The following NCKAP5 variants were observed in gnomAD, a reference collection of about 807,000 sequenced individuals.
NCKAP5 encodes NCK associated protein 5.
Under a neutral mutation model 167.0 loss-of-function variants are expected in NCKAP5, and 92 were observed. That is an observed-to-expected ratio of 0.55 (90% CI 0.47 to 0.66). The LOEUF is 0.66. NCKAP5 is among the 30% of genes least tolerant of loss of function. The pLI is 0.00. For missense variants in NCKAP5, 2,378 were observed against 2,315.0 expected, an observed-to-expected ratio of 1.03 and a Z score of -0.56; for synonymous variants, 891 against 877.4, an observed-to-expected ratio of 1.02 and a Z score of -0.27.
At chr2:132,728,185 G>C (rs1690647918) in intron 18 of NCKAP5, among the ~76,000 whole-genome samples, 1 of 152,088 alleles carries the variant, frequency 6.6e-6, no homozygotes, top group South Asian at 2.1e-4. Flanking sequence ...AGAGTAACCT[G>C]CTGGAAACGG....
intron 2 of NCKAP5, among the ~76,000 whole-genome samples, chr2:133,543,418 T>A (rs1368225242): frequency 1.3e-5 from 2 of 152,190 alleles, no homozygotes; most frequent in African/African-American, 4.8e-5. Context: ...CAAAATGGAC[T>A]AATACAAGGT....
At chr2:133,242,119 C>CAAAAAAAA (rs1176776551) in intron 4 of NCKAP5, among the ~76,000 whole-genome samples, 19 of 48,114 alleles carry the variant, frequency 3.9e-4, no homozygotes, top group East Asian at 6.5e-4. Context: ...AACTCTGTCT[C>CAAAAAAAA]AAAAAAAAAA....
intron 19 of NCKAP5, among the ~76,000 whole-genome samples, chr2:132,696,790 T>G (rs1392454241): frequency 6.6e-6 from 1 of 152,144 alleles, no homozygotes; most frequent in Non-Finnish European, 1.5e-5. Flanking sequence ...ATGGTAACCA[T>G]CCATAAGTGA....
chr2:133,299,544 C>T (rs1223806600), intron 4 of NCKAP5, among the ~76,000 whole-genome samples: 5 of 152,030 alleles, frequency 3.3e-5, no homozygotes, highest in African/African-American at 4.8e-5. Flanking sequence ...GTCAGGAGTT[C>T]GAGACCAGCC....
intron 6 of NCKAP5, among the ~76,000 whole-genome samples, chr2:133,025,821 T>C (rs1365078940): frequency 6.6e-6 from 1 of 152,196 alleles, no homozygotes; most frequent in Non-Finnish European, 1.5e-5. Flanking sequence ...TAGAACATAT[T>C]ATTTTAAAAA....
intron 11 of NCKAP5, among the ~76,000 whole-genome samples, chr2:132,818,318 A>G (rs1686443618): frequency 6.6e-6 from 1 of 152,214 alleles, no homozygotes; most frequent in African/African-American, 2.4e-5. Flanking sequence ...GTCTCTACAG[A>G]CTTATAATTT....
intron 3 of NCKAP5, among the ~76,000 whole-genome samples, chr2:133,418,913 GA>G (rs1689294485): frequency 6.6e-6 from 1 of 152,114 alleles, no homozygotes; most frequent in Admixed American, 6.6e-5. Context: ...AGGGCATATT[GA>G]GTCACAATGA....
chr2:133,649,791 G>C, the NCKAP5 span, among the ~76,000 whole-genome samples: 3 of 152,100 alleles, frequency 2.0e-5, no homozygotes, highest in East Asian at 3.9e-4. Context: ...ATAGTCACTG[G>C]TAAGCAGGAG....
intron 16 of NCKAP5, among the ~76,000 whole-genome samples, chr2:132,772,245 T>C (rs1682139400): frequency 6.6e-6 from 1 of 152,114 alleles, no homozygotes; most frequent in South Asian, 2.1e-4. Flanking sequence ...TCAGGACATA[T>C]TCCTGTCACC....
intron 5 of NCKAP5, among the ~76,000 whole-genome samples, chr2:133,185,918 G>A (rs996468434): frequency 3.9e-5 from 6 of 152,020 alleles, no homozygotes; most frequent in Non-Finnish European, 8.8e-5. Context: ...GAGATAGTTT[G>A]ACTTCTTCTT....
chr2:133,308,780 C>A (rs1210329454), intron 3 of NCKAP5, among the ~76,000 whole-genome samples: 1 of 135,894 alleles, frequency 7.4e-6, no homozygotes, highest in Middle Eastern at 4.2e-3. Context: ...GCAATCTCGG[C>A]TCACTGCAAG....
At chr2:133,217,968 A>G (rs17800299) in intron 4 of NCKAP5, among the ~76,000 whole-genome samples, 1,787 of 152,236 alleles carry the variant, frequency 0.012, 16 homozygotes, top group Non-Finnish European at 0.018. Context: ...GCTTCAACAG[A>G]GTAAATTCCT....
At chr2:133,596,959 T>C in the NCKAP5 span, among the ~76,000 whole-genome samples, 1 of 152,322 alleles carries the variant, frequency 6.6e-6, no homozygotes, top group African/African-American at 2.4e-5. Context: ...TGCTTTCCTC[T>C]TAGTTGCTGC....
At chr2:133,506,107 A>T (rs1027196531) in intron 3 of NCKAP5, among the ~76,000 whole-genome samples, 2 of 152,208 alleles carry the variant, frequency 1.3e-5, no homozygotes, top group African/African-American at 4.8e-5. Flanking sequence ...TGATCGATCC[A>T]CTAGACCACC....
At chr2:132,865,098 T>C (rs1163170274) in intron 10 of NCKAP5, among the ~76,000 whole-genome samples, 1 of 152,166 alleles carries the variant, frequency 6.6e-6, no homozygotes, top group Non-Finnish European at 1.5e-5. Flanking sequence ...GATACATCCT[T>C]ATCTCTGCCC....
intron 11 of NCKAP5, among the ~76,000 whole-genome samples, chr2:132,829,033 T>C (rs938813722): frequency 6.6e-6 from 1 of 152,162 alleles, no homozygotes; most frequent in Non-Finnish European, 1.5e-5. Context: ...GAGACTGACA[T>C]AACCAGTAAC....
At chr2:133,130,507 T>C (rs1016341638) in intron 5 of NCKAP5, among the ~76,000 whole-genome samples, 1 of 152,240 alleles carries the variant, frequency 6.6e-6, no homozygotes, top group Non-Finnish European at 1.5e-5. Context: ...ATCTCTGGTA[T>C]ATCCTTGAAA....
chr2:133,110,868 G>A (rs1277657340), intron 6 of NCKAP5, among the ~76,000 whole-genome samples: 1 of 152,166 alleles, frequency 6.6e-6, no homozygotes, highest in African/African-American at 2.4e-5. Flanking sequence ...CCAAGAGCAA[G>A]GTGCCGTCGT....
At chr2:132,860,028 CTGTTA>C (rs1689768912) in intron 11 of NCKAP5, among the ~76,000 whole-genome samples, 2 of 152,214 alleles carry the variant, frequency 1.3e-5, no homozygotes, top group African/African-American at 4.8e-5. Context: ...AGGAGACGTT[CTGTTA>C]TAAGAAGGAA....
Sources: allele counts gnomAD v4.1 joint callset (sites outside exome capture counted in the v4.1 genomes callset), GRCh38; gene constraint gnomAD v4.1.1; transcripts MANE v1.5; gene names NCBI Gene and HGNC (gene_info 2026-07-23, HGNC 2026-07-21).